The following CWC27 variants were observed in gnomAD, a reference collection of about 807,000 sequenced individuals.
The protein encoded by CWC27 is CWC27 spliceosome associated cyclophilin.
CWC27 carries 47 observed loss-of-function variants against 63.6 expected under a neutral mutation model. That is an observed-to-expected ratio of 0.74 (90% CI 0.58 to 0.94). CWC27 has a LOEUF of 0.94. Ranked by LOEUF, CWC27 falls within the 40% of genes least tolerant of loss-of-function variation. CWC27 has a pLI of 0.00. For missense variants in CWC27, 495 were observed against 554.3 expected, an observed-to-expected ratio of 0.89 and a Z score of 1.07; for synonymous variants, 175 against 179.8, an observed-to-expected ratio of 0.97 and a Z score of 0.22.
chr5:64,799,057 A>G (rs1311977394), intron 7 of CWC27, among the ~76,000 whole-genome samples: 1 of 152,200 alleles, frequency 6.6e-6, no homozygotes, highest in Non-Finnish European at 1.5e-5. Context: ...CCTAGAGGAA[A>G]AGAAAAATGG....
chr5:64,824,717 C>CT (rs1745309902), intron 10 of CWC27, among the ~76,000 whole-genome samples: 1 of 141,182 alleles, frequency 7.1e-6, no homozygotes. Context: ...GGAAGTGTTC[C>CT]TTTCTTTTCT....
intron 11 of CWC27, among the ~76,000 whole-genome samples, chr5:64,886,572 A>G (rs1406284718): frequency 6.6e-6 from 1 of 152,140 alleles, no homozygotes; most frequent in African/African-American, 2.4e-5. Flanking sequence ...ATTCTAATAC[A>G]GTGGCACAAT....
intron 11 of CWC27, among the ~76,000 whole-genome samples, chr5:64,897,018 C>T (rs894750107): frequency 6.6e-6 from 1 of 152,042 alleles, no homozygotes; most frequent in Non-Finnish European, 1.5e-5. Context: ...TCAATACCAG[C>T]CTCGGAAACA....
intron 11 of CWC27, among the ~76,000 whole-genome samples, chr5:64,966,185 T>G (rs1055608099): frequency 2.0e-5 from 3 of 150,438 alleles, no homozygotes; most frequent in Non-Finnish European, 3.0e-5. Flanking sequence ...CTTCATAATC[T>G]AGCAAAAAAA....
chr5:64,820,247 A>T (rs1580639734), intron 10 of CWC27, among the ~76,000 whole-genome samples: 2 of 152,230 alleles, frequency 1.3e-5, no homozygotes, highest in South Asian at 4.1e-4. Flanking sequence ...ACATGGAAAT[A>T]TACTATGCCA....
At chr5:64,772,792 CTGGGTGTGGCGG>C (rs1273837026) in intron 1 of CWC27, among the ~76,000 whole-genome samples, 3 of 151,678 alleles carry the variant, frequency 2.0e-5, no homozygotes, top group Non-Finnish European at 4.4e-5. Context: ...AAAAAATTAG[CTGGGTGTGGCGG>C]TGGGTGCCTG....
intron 11 of CWC27, among the ~76,000 whole-genome samples, chr5:64,907,926 A>G (rs1390126935): frequency 1.3e-5 from 2 of 152,038 alleles, no homozygotes; most frequent in African/African-American, 4.8e-5. Flanking sequence ...GTCTTCTGCT[A>G]GCTTTTGAAT....
intron 7 of CWC27, among the ~76,000 whole-genome samples, chr5:64,795,989 A>G (rs1421632026): frequency 2.7e-5 from 4 of 148,426 alleles, no homozygotes; most frequent in Non-Finnish European, 5.9e-5. Context: ...AAGCCATTTA[A>G]AAAGAAATTG....
intron 7 of CWC27, among the ~76,000 whole-genome samples, chr5:64,796,272 T>A (rs574661424): frequency 5.3e-5 from 8 of 152,212 alleles, no homozygotes; most frequent in Admixed American, 1.3e-4. Context: ...ATAGATCCAT[T>A]TATCTATTAA....
chr5:64,914,877 G>T (rs1747860959), intron 11 of CWC27, among the ~76,000 whole-genome samples: 1 of 152,066 alleles, frequency 6.6e-6, no homozygotes, highest in Non-Finnish European at 1.5e-5. Context: ...GGTAAAAATT[G>T]TGGTATATTC....
intron 11 of CWC27, among the ~76,000 whole-genome samples, chr5:64,924,109 G>A (rs1748056398): frequency 1.3e-5 from 2 of 151,970 alleles, no homozygotes; most frequent in African/African-American, 2.4e-5. Flanking sequence ...CCTTGTCTCT[G>A]GTATATCCCT....
intron 11 of CWC27, among the ~76,000 whole-genome samples, chr5:64,958,848 G>T (rs1032764684): frequency 6.6e-6 from 1 of 152,104 alleles, no homozygotes; most frequent in Admixed American, 6.6e-5. Context: ...ACACTTCCAT[G>T]TAAATTAGAC....
intron 10 of CWC27, among the ~76,000 whole-genome samples, chr5:64,840,381 AAAAAAAAAAAAAAATATATATATATATAT>A (rs1402486457): frequency 2.8e-5 from 2 of 71,098 alleles, no homozygotes; most frequent in African/African-American, 1.3e-4. Context: ...AAAAAAAAAA[AAAAAAAAAAAAAAATATATATATATATAT>A]ATATATATAT....
chr5:64,918,673 A>G (rs1033304912), intron 11 of CWC27, among the ~76,000 whole-genome samples: 1 of 152,226 alleles, frequency 6.6e-6, no homozygotes, highest in African/African-American at 2.4e-5. Context: ...AAATAAGACC[A>G]GTTGGTCTTT....
chr5:65,011,259 G>A (rs1749951007), intron 13 of CWC27, among the ~76,000 whole-genome samples: 1 of 152,132 alleles, frequency 6.6e-6, no homozygotes, highest in South Asian at 2.1e-4. Flanking sequence ...CCACCTTCAA[G>A]AGCACCTGCA....
rs1270470507 is a variant in CWC27, at chr5:65,018,311, A to G, written c.1409A>G (p.Glu470Gly). 6.3e-7 allele frequency: 1 copy of G among 1,591,528 alleles called. No individual in the cohort carries two copies. The highest frequency in any genetic ancestry group is 8.5e-7 in the Non-Finnish European group (1 of 1,173,638). The change falls in exon 14 of 14, where the codon GAA becomes GGA. Residue 470 changes from glutamate (E) to glycine (G), a missense_variant. This residue lies in a region of CWC27 where 20 missense variants were observed against 22.1 expected (regional missense o/e 0.91). Coordinates refer to ENST00000381070, the MANE Select transcript of CWC27 (RefSeq NM_005869.4). ...AAAAAGCTGATGAGAGAGAAAAAAG[A>G]AAGAAGATAAAATGAGAATAATGAT... Reference protein sequence around the residue: ...ESKKLMREKKERR With the variant: ...ESKKLMREKKGRR
At chr5:64,989,833 A>G (rs964995821) in intron 13 of CWC27, among the ~76,000 whole-genome samples, 6 of 152,340 alleles carry the variant, frequency 3.9e-5, no homozygotes, top group African/African-American at 1.4e-4. Context: ...ATTAGCAGAA[A>G]TTCTTTGGAG....
rs1005746892 is a variant in CWC27 at position 64,808,430 on chromosome 5, C to A, written c.938+4044C>A. On this transcript the variant is annotated intron_variant, in intron 10 of 13. Coordinates refer to ENST00000381070, the MANE Select transcript of CWC27 (RefSeq NM_005869.4). ...TATACATTTTTTCTTCTTTGTGTAT[C>A]CTTATACTGTAACTTTCTTGAAGGT... The A allele has an allele frequency of 4.0e-6, 3 of 744,890 alleles. No individual in the cohort carries two copies. In the African/African-American group the frequency reaches 5.7e-5, roughly 14 times the overall value. 46.1% of individuals were successfully genotyped at this position (744,890 alleles called of 1,614,324 possible).
intron 10 of CWC27, among the ~76,000 whole-genome samples, chr5:64,813,934 T>A (rs977664519): frequency 6.6e-6 from 1 of 152,138 alleles, no homozygotes; most frequent in African/African-American, 2.4e-5. Context: ...TATCTCTAGC[T>A]CTTCTTTTAC....
Sources: allele counts gnomAD v4.1 joint callset (sites outside exome capture counted in the v4.1 genomes callset), GRCh38; gene constraint gnomAD v4.1.1; regional missense constraint gnomAD v4.1.1; transcripts MANE v1.5; gene names NCBI Gene and HGNC (gene_info 2026-07-23, HGNC 2026-07-21).